The following RALGPS2 variants were observed in gnomAD, a reference collection of about 807,000 sequenced individuals.
RALGPS2 encodes Ral GEF with PH domain and SH3 binding motif 2, also known as ras-specific guanine nucleotide-releasing factor RalGPS2.
In RALGPS2, 43 loss-of-function variants were observed where a neutral mutation model predicts 86.8. The observed-to-expected ratio is 0.50, with a 90% confidence interval of 0.39 to 0.64. RALGPS2 has a LOEUF of 0.64. RALGPS2 is among the 30% of genes least tolerant of loss of function. The pLI, the probability that RALGPS2 is intolerant of heterozygous loss-of-function variation, is 0.00. For synonymous variants in RALGPS2, 243 were observed against 231.3 expected (o/e 1.05, Z -0.46); for missense variants, 536 against 694.6 (o/e 0.77, Z 2.57).
chr1:178,819,062 C>T (rs148059120), intron 6 of RALGPS2, among the ~76,000 whole-genome samples: 1 of 150,548 alleles, frequency 6.6e-6, no homozygotes, highest in East Asian at 2.0e-4. Context: ...AAGCATGGCT[C>T]ATCACAACCT....
chr1:178,774,661 G>T (rs1410541436), intron 1 of RALGPS2, among the ~76,000 whole-genome samples: 1 of 152,216 alleles, frequency 6.6e-6, no homozygotes, highest in Non-Finnish European at 1.5e-5. Context: ...TATAGAATAA[G>T]ATAGTTTAGA....
Position 178,899,622 on chromosome 1 carries a change from G to T in RALGPS2, c.1524+1866G>T, listed in dbSNP as rs189499072. Among the ~76,000 whole-genome samples the T allele has an allele frequency of 4.7e-3, 649 of 137,530 alleles. 7 individuals carry two copies. The highest frequency in any genetic ancestry group is 0.019 in the African/African-American group (582 of 30,348). The allele number at this position is 137,530 out of a possible 152,430, so 90.2% of individuals were successfully genotyped here. A position where few individuals can be genotyped will look rare whatever the true frequency, so the allele number is the denominator to read the frequency against. On this transcript the variant is annotated intron_variant, in intron 17 of 19. Coordinates refer to ENST00000367635, the MANE Select transcript of RALGPS2 (RefSeq NM_152663.5). ...AGCACCACCTGTATTGTTGTGTTTT[G>T]GTTTTGGTTTTGGTTTTGGTTTTGG...
intron 7 of RALGPS2, among the ~76,000 whole-genome samples, chr1:178,831,631 C>A (rs1656023981): frequency 6.7e-6 from 1 of 149,204 alleles, no homozygotes; most frequent in African/African-American, 2.5e-5. Context: ...CGCCCCGCCC[C>A]CCCCACCCCC....
At position 178,838,426 on chromosome 1, in the gene RALGPS2, A is replaced by G. The variant is rs369108817; in HGVS notation, c.607+4876A>G. Among the ~76,000 whole-genome samples, 14 of 152,154 alleles carry G rather than the reference A, an allele frequency of 9.2e-5. No individual in the cohort carries two copies. The East Asian group carries it at 9.6e-4, about 10-fold the overall frequency. ...TCCCCACAAACAGGGTCTGGAGTGG[A>G]CCTCCAGCAAACTCCAACAGACCTG... On this transcript the variant is annotated intron_variant, in intron 8 of 19. Transcript: ENST00000367635.
intron 1 of RALGPS2, among the ~76,000 whole-genome samples, chr1:178,728,671 A>G (rs1242213756): frequency 6.6e-6 from 1 of 152,150 alleles, no homozygotes; most frequent in Non-Finnish European, 1.5e-5. Context: ...AATGTATTGC[A>G]TTACCCTGTA....
At chr1:178,737,605 C>G (rs1287279483) in intron 1 of RALGPS2, among the ~76,000 whole-genome samples, 1 of 152,094 alleles carries the variant, frequency 6.6e-6, no homozygotes, top group Non-Finnish European at 1.5e-5. Flanking sequence ...ACTGTGAGTC[C>G]TAGATAGCCT....
chr1:178,810,081 A>C (rs1572354996), intron 5 of RALGPS2, among the ~76,000 whole-genome samples: 1 of 141,404 alleles, frequency 7.1e-6, no homozygotes, highest in South Asian at 2.2e-4. Context: ...ACCTTGTCTT[A>C]AAAAAAAAAA....
At chr1:178,894,298 A>G (rs1290890330) in intron 16 of RALGPS2, 1 of 225,320 alleles carries the variant, frequency 4.4e-6, no homozygotes, top group Non-Finnish European at 8.6e-6. Context: ...TTTCTATCTT[A>G]ACTAAGCACT....
At chr1:178,728,967 A>C (rs2101997301) in intron 1 of RALGPS2, among the ~76,000 whole-genome samples, 1 of 152,354 alleles carries the variant, frequency 6.6e-6, no homozygotes, top group Admixed American at 6.5e-5. Flanking sequence ...ATCTATATAT[A>C]CATACAGTTA....
At chr1:178,874,230 T>C (rs893045420) in intron 8 of RALGPS2, among the ~76,000 whole-genome samples, 1 of 152,326 alleles carries the variant, frequency 6.6e-6, no homozygotes, top group East Asian at 1.9e-4. Context: ...GTATTGATGA[T>C]GTCGTAGTTC....
rs553652565 is a variant in RALGPS2, at chr1:178,749,109, A to G, written c.-84+23690A>G. On this transcript the variant is annotated intron_variant, in intron 1 of 19. Coordinates refer to ENST00000367635, the MANE Select transcript of RALGPS2 (RefSeq NM_152663.5). ...CACTTACAGGTACACACCACCAACA[A>G]CCCATTTAGTCTGTCACGTAATTAA... Among the ~76,000 whole-genome samples, 8 of 152,106 alleles carry G rather than the reference A, an allele frequency of 5.3e-5. No homozygotes were observed. The East Asian group carries it at 1.2e-3, about 22-fold the overall frequency.
At chr1:178,757,638 AGCTT>A (rs1424353869) in intron 1 of RALGPS2, among the ~76,000 whole-genome samples, 7 of 152,186 alleles carry the variant, frequency 4.6e-5, no homozygotes, top group Non-Finnish European at 1.0e-4. Flanking sequence ...ACAAGAGTGA[AGCTT>A]GCTTAATCAT....
intron 8 of RALGPS2, among the ~76,000 whole-genome samples, chr1:178,868,926 A>G (rs1442620455): frequency 1.3e-5 from 2 of 152,054 alleles, no homozygotes; most frequent in South Asian, 2.1e-4. Flanking sequence ...AGGAGTAAAG[A>G]ACTGGTTTTA....
chr1:178,733,441 TG>T (rs1650508382), intron 1 of RALGPS2, among the ~76,000 whole-genome samples: 1 of 152,202 alleles, frequency 6.6e-6, no homozygotes, highest in African/African-American at 2.4e-5. Flanking sequence ...GAAAATGAAT[TG>T]TTCAGATGGC....
intron 16 of RALGPS2, 165 bp downstream of exon 16, chr1:178,894,189 T>A (rs1659840614): frequency 2.0e-6 from 1 of 493,906 alleles, no homozygotes; most frequent in Non-Finnish European, 3.5e-6. Flanking sequence ...CATTCCAAGA[T>A]CCCCCGGGGA....
intron 8 of RALGPS2, among the ~76,000 whole-genome samples, chr1:178,871,850 AG>A (rs2102353056): frequency 6.6e-6 from 1 of 152,346 alleles, no homozygotes; most frequent in Non-Finnish European, 1.5e-5. Context: ...ATGTGAACTT[AG>A]ACAAATCACT....
intron 18 of RALGPS2, 102 bp downstream of exon 18, chr1:178,902,313 A>G (rs1572467406): frequency 2.3e-6 from 2 of 860,808 alleles, no homozygotes; most frequent in East Asian, 2.7e-5. Context: ...ATAATGTTTT[A>G]TGCATACATG....
At chr1:178,771,260 C>T (rs1652799592) in intron 1 of RALGPS2, among the ~76,000 whole-genome samples, 1 of 152,218 alleles carries the variant, frequency 6.6e-6, no homozygotes, top group South Asian at 2.1e-4. Context: ...TACTACCATC[C>T]AGTACAGGAC....
At chr1:178,753,980 C>T (rs927910831) in intron 1 of RALGPS2, among the ~76,000 whole-genome samples, 1 of 151,864 alleles carries the variant, frequency 6.6e-6, no homozygotes, top group African/African-American at 2.4e-5. Context: ...TACAGGCGCC[C>T]GCCACCACGC....
Sources: gnomAD v4.1 joint callset for allele counts (sites outside exome capture counted in the v4.1 genomes callset) on GRCh38, gnomAD v4.1.1 for gene constraint, MANE v1.5 for transcripts, NCBI Gene and HGNC (gene_info 2026-07-23, HGNC 2026-07-21) for gene names.